SLC11A2: variants seen among roughly 807,000 people sequenced by gnomAD.
The protein encoded by SLC11A2 is natural resistance-associated macrophage protein 2.
In SLC11A2, 38 loss-of-function variants were observed where a neutral mutation model predicts 68.0. The observed-to-expected ratio is 0.56, with a 90% confidence interval of 0.43 to 0.73. The LOEUF is 0.73. Ranked by LOEUF, SLC11A2 falls within the 30% of genes least tolerant of loss-of-function variation. The pLI is 0.00. For synonymous variants in SLC11A2, 242 were observed against 250.6 expected (o/e 0.97, Z 0.32); for missense variants, 517 against 690.5 (o/e 0.75, Z 2.82).
chr12:50,954,783 T>C, the SLC11A2 span, among the ~76,000 whole-genome samples: 1 of 152,192 alleles, frequency 6.6e-6, no homozygotes, highest in Non-Finnish European at 1.5e-5. Flanking sequence ...ATGTTTTTAA[T>C]GCTCTGTAGC....
chr12:51,006,137 T>C, intron 3 of SLC11A2: 1 of 169,880 alleles, frequency 5.9e-6, no homozygotes, highest in Non-Finnish European at 1.3e-5. Context: ...CTGTCTCTAC[T>C]AAAAATACAA....
the SLC11A2 span, among the ~76,000 whole-genome samples, chr12:50,962,125 C>T: frequency 6.6e-6 from 1 of 152,156 alleles, no homozygotes; most frequent in Non-Finnish European, 1.5e-5. Flanking sequence ...GTGGCTTGCA[C>T]CTGTGATCCC....
intron 5 of SLC11A2, among the ~76,000 whole-genome samples, chr12:51,003,915 G>T (rs1942495780): frequency 1.3e-5 from 2 of 152,068 alleles, no homozygotes; most frequent in Non-Finnish European, 2.9e-5. Context: ...ACTCCACCAT[G>T]GGTGACAGAG....
At chr12:51,006,473 A>C (rs1482063695) in intron 3 of SLC11A2, among the ~76,000 whole-genome samples, 1 of 152,218 alleles carries the variant, frequency 6.6e-6, no homozygotes, top group Non-Finnish European at 1.5e-5. Context: ...ATTTCTTTGT[A>C]TATTTTGAAA....
At chr12:51,004,349 T>C (rs1055723335) in intron 5 of SLC11A2, among the ~76,000 whole-genome samples, 1 of 152,110 alleles carries the variant, frequency 6.6e-6, no homozygotes, top group Non-Finnish European at 1.5e-5. Context: ...AATCCAAAGA[T>C]CTTGCCACAT....
chr12:50,990,977 T>C, intron 14 of SLC11A2, 29 bp from the exon 15 acceptor site: 1 of 1,610,392 alleles, frequency 6.2e-7, no homozygotes, highest in Non-Finnish European at 8.5e-7. Flanking sequence ...CAGTCACTGA[T>C]GGAATAATCC....
chr12:50,996,112 G>T (rs1941679271), intron 9 of SLC11A2, among the ~76,000 whole-genome samples: 1 of 152,122 alleles, frequency 6.6e-6, no homozygotes, highest in Non-Finnish European at 1.5e-5. Flanking sequence ...CAGTCCTAAG[G>T]TGTGCATATA....
chr12:51,026,976 A>G (rs1188063261), upstream of SLC11A2, among the ~76,000 whole-genome samples: 1 of 152,162 alleles, frequency 6.6e-6, no homozygotes, highest in Non-Finnish European at 1.5e-5. Flanking sequence ...CGGGAGTTTG[A>G]GACCAGCCTG....
intron 9 of SLC11A2, among the ~76,000 whole-genome samples, chr12:50,996,323 C>T (rs1487709600): frequency 1.3e-5 from 2 of 152,134 alleles, no homozygotes; most frequent in Non-Finnish European, 2.9e-5. Flanking sequence ...GCCTGTAATC[C>T]CAGCACTTTG....
Position 50,990,859 on chromosome 12 carries a change from T to C in SLC11A2, c.1511A>G (p.His504Arg), listed in dbSNP as rs1229345464. 2.5e-6 allele frequency: 4 copies of C among 1,614,140 alleles called. No individual in the cohort carries two copies. The highest frequency in any genetic ancestry group is 1.7e-5 in the Admixed American group (1 of 60,030). The change falls in exon 15 of 16, where the codon CAT becomes CGT. Residue 504 changes from histidine to arginine, a missense_variant. Physicochemically the swap from His to Arg is conservative, Grantham distance 29 (BLOSUM62 0). Transcript: ENST00000262052. The stretch of plus-strand genomic sequence containing the variant: ...AGCAGCCACCACATATAATGCCACA[T>C]GCCCTAGGTCCCGGACATAAACCAC... ...FVVVYVRDLG[H>R]VALYVVAAVV...
chr12:50,985,534 T>C (rs1162528883), downstream of SLC11A2, among the ~76,000 whole-genome samples: 4 of 152,214 alleles, frequency 2.6e-5, no homozygotes, highest in Non-Finnish European at 5.9e-5. Flanking sequence ...GGTGTCAATA[T>C]TTCCATTTAT....
chr12:50,988,480 G>A (rs770610870), intron 15 of SLC11A2, 45 bp from the exon 16 acceptor site: 4 of 1,612,382 alleles, frequency 2.5e-6, no homozygotes, highest in African/African-American at 1.3e-5. Context: ...TCTTTGAAGA[G>A]CCATGACTGC....
Position 50,992,863 on chromosome 12 carries a change from C to T in SLC11A2, c.1144G>A (p.Ala382Thr). 6.2e-7 allele frequency: 1 copy of T among 1,614,060 alleles called. No individual in the cohort carries two copies. Among genetic ancestry groups the T allele is most frequent in the Non-Finnish European group, 8.5e-7 (1 of 1,179,986 alleles). The change falls in exon 12 of 16, where the codon GCA (alanine) becomes ACA (threonine). Residue 382 changes from alanine to threonine, a missense_variant. Coordinates refer to ENST00000262052, the MANE Select transcript of SLC11A2 (RefSeq NM_000617.3). Reference protein sequence around the residue: ...LYIWAVGILAAGQSSTMTGTY... With the variant: ...LYIWAVGILATGQSSTMTGTY... ...CCTGTCATGGTGGAGCTCTGTCCTG[C>T]AGCCAGGATCCCCACTGCCCAAATG... is the stretch of plus-strand genomic sequence containing the variant.
chr12:50,992,491 G>A (rs759814654), intron 12 of SLC11A2, 152 bp from the exon 13 acceptor site: 37 of 752,222 alleles, frequency 4.9e-5, no homozygotes, highest in Non-Finnish European at 7.3e-5. Flanking sequence ...AGCACTTTGA[G>A]AGGCCAAGGC....
intron 1 of SLC11A2, among the ~76,000 whole-genome samples, chr12:51,020,755 T>C (rs796273563): frequency 1.6e-4 from 25 of 152,328 alleles, no homozygotes; most frequent in African/African-American, 5.8e-4. Context: ...ATTTTTTTCT[T>C]GGTATTATTC....
downstream of SLC11A2, among the ~76,000 whole-genome samples, chr12:50,985,582 A>C (rs1005105207): frequency 2.0e-5 from 3 of 152,186 alleles, no homozygotes; most frequent in African/African-American, 7.2e-5. Flanking sequence ...CTTTAAGCTA[A>C]ATGAGTTTGG....
chr12:50,964,293 C>G, the SLC11A2 span, among the ~76,000 whole-genome samples: 1 of 152,178 alleles, frequency 6.6e-6, no homozygotes, highest in East Asian at 1.9e-4. Context: ...TTTCATATCC[C>G]CTTTGCTTTC....
intron 1 of SLC11A2, among the ~76,000 whole-genome samples, chr12:51,017,231 C>T (rs1165773243): frequency 6.6e-6 from 1 of 151,882 alleles, no homozygotes; most frequent in Non-Finnish European, 1.5e-5. Context: ...TGTAAACAAC[C>T]TTGATATTAG....
At chr12:51,005,098 C>T (rs1323246414) in intron 4 of SLC11A2, among the ~76,000 whole-genome samples, 191 bp from the exon 5 acceptor site, 2 of 152,194 alleles carry the variant, frequency 1.3e-5, no homozygotes, top group African/African-American at 2.4e-5. Flanking sequence ...CCTTTCTGAG[C>T]CTCAGTTTCT....
Sources: allele counts gnomAD v4.1 joint callset (sites outside exome capture counted in the v4.1 genomes callset), GRCh38; gene constraint gnomAD v4.1.1; transcripts MANE v1.5; gene names NCBI Gene and HGNC (gene_info 2026-07-23, HGNC 2026-07-21).